FNDC3B: variants seen among roughly 807,000 people sequenced by gnomAD.
FNDC3B encodes the protein fibronectin type III domain containing 3B.
FNDC3B carries 12 observed loss-of-function variants against 151.5 expected under a neutral mutation model. That is an observed-to-expected ratio of 0.08 (90% CI 0.05 to 0.13). The LOEUF (loss-of-function observed/expected upper bound fraction) is 0.13, where lower values mean the gene tolerates loss of function less well. Among genes scored for constraint, FNDC3B ranks in the 10% least tolerant of loss-of-function variants. The pLI, the probability that FNDC3B is intolerant of heterozygous loss-of-function variation, is 1.00. For synonymous variants in FNDC3B, 528 were observed against 549.0 expected (o/e 0.96, Z 0.54); for missense variants, 1,214 against 1,505.3 (o/e 0.81, Z 3.20).
intron 3 of FNDC3B, among the ~76,000 whole-genome samples, chr3:172,211,662 G>A (rs1725738886): frequency 6.6e-6 from 1 of 152,196 alleles, no homozygotes; most frequent in South Asian, 2.1e-4. Flanking sequence ...TTATGGAATT[G>A]AGGTTACATT....
chr3:172,341,195 C>T lies in FNDC3B; in HGVS notation c.1935C>T (p.Leu645=). Residue 645 remains leucine (L), a synonymous_variant, in exon 17 of 26, where the codon CTC becomes CTT. Coordinates refer to ENST00000415807, the MANE Select transcript of FNDC3B (RefSeq NM_022763.4). ...TGAAACCAGGCACTTTGTACAAACTCCGAGCATGCTGCATCAGTACCGGCG... is the reference window on the plus strand; with the variant it reads ...TGAAACCAGGCACTTTGTACAAACTTCGAGCATGCTGCATCAGTACCGGCG... The part of the protein sequence containing the change: ...THLKPGTLYK[L]RACCISTGGH... 6.2e-7 allele frequency: 1 copy of T among 1,614,176 alleles called. No individual in the cohort carries two copies. Among genetic ancestry groups the T allele is most frequent in the Non-Finnish European group, 8.5e-7 (1 of 1,180,020 alleles).
chr3:172,172,212 A>G (rs1334545084), intron 3 of FNDC3B, among the ~76,000 whole-genome samples: 2 of 152,174 alleles, frequency 1.3e-5, no homozygotes, highest in African/African-American at 2.4e-5. Context: ...GCATCTCTCA[A>G]AATAGGCATT....
At chr3:172,172,265 T>C (rs1445166643) in intron 3 of FNDC3B, among the ~76,000 whole-genome samples, 3 of 152,168 alleles carry the variant, frequency 2.0e-5, no homozygotes, top group Non-Finnish European at 4.4e-5. Context: ...TTTCGTCAAG[T>C]GTACCTGTAC....
chr3:172,068,534 C>A (rs1330704825), intron 1 of FNDC3B, among the ~76,000 whole-genome samples: 1 of 151,360 alleles, frequency 6.6e-6, no homozygotes, highest in African/African-American at 2.4e-5. Flanking sequence ...AGCAATTCTC[C>A]TGCCTCAGCC....
In FNDC3B at chr3:172,071,383, G is replaced by A. The variant is rs573709808; in HGVS notation, c.-29+31612G>A. On this transcript the variant is annotated intron_variant, in intron 1 of 25. Coordinates refer to ENST00000415807, the MANE Select transcript of FNDC3B (RefSeq NM_022763.4). ...AATTGCAGGTGATTATTAAGGCAAA[G>A]TCTTAAGGATTTATAGAATAAGTAA... Among the ~76,000 whole-genome samples, 5 of 152,232 alleles carry A rather than the reference G, an allele frequency of 3.3e-5. No individual in the cohort carries two copies. In the East Asian group the frequency reaches 7.7e-4, roughly 23 times the overall value.
intron 2 of FNDC3B, among the ~76,000 whole-genome samples, chr3:172,127,998 A>G (rs1290687083): frequency 6.6e-6 from 1 of 152,246 alleles, no homozygotes; most frequent in Non-Finnish European, 1.5e-5. Flanking sequence ...TGAAGAAAAC[A>G]GTATTAAAAC....
At chr3:172,260,474 A>T (rs746903311) in intron 6 of FNDC3B, among the ~76,000 whole-genome samples, 1 of 152,220 alleles carries the variant, frequency 6.6e-6, no homozygotes, top group Non-Finnish European at 1.5e-5. Context: ...CTTTCAGAGG[A>T]CTATCATCAG....
intron 1 of FNDC3B, among the ~76,000 whole-genome samples, chr3:172,062,290 A>C (rs1374061471): frequency 6.7e-6 from 1 of 149,770 alleles, no homozygotes; most frequent in Non-Finnish European, 1.5e-5. Context: ...CTAGTACCCC[A>C]ATTTCTGCTA....
At chr3:172,356,480 T>C (rs1362030458) in intron 22 of FNDC3B, among the ~76,000 whole-genome samples, 1 of 152,232 alleles carries the variant, frequency 6.6e-6, no homozygotes, top group Non-Finnish European at 1.5e-5. Context: ...AGATGGGTTG[T>C]GACCAGATTA....
intron 6 of FNDC3B, among the ~76,000 whole-genome samples, chr3:172,264,460 G>A (rs952940069): frequency 4.6e-5 from 7 of 152,136 alleles, no homozygotes; most frequent in Non-Finnish European, 1.0e-4. Flanking sequence ...TTTGTACCCA[G>A]AAATTAGGAT....
chr3:172,211,136 G>A (rs1240440692), intron 3 of FNDC3B, among the ~76,000 whole-genome samples: 1 of 152,178 alleles, frequency 6.6e-6, no homozygotes, highest in Non-Finnish European at 1.5e-5. Flanking sequence ...TTTAATGATT[G>A]CAAAGAGTAT....
intron 11 of FNDC3B, among the ~76,000 whole-genome samples, chr3:172,312,948 A>C (rs886272133): frequency 3.3e-5 from 5 of 152,188 alleles, no homozygotes; most frequent in Admixed American, 6.5e-5. Flanking sequence ...TATGTTCAGC[A>C]TGGTCCATTA....
rs146938268 is a variant in FNDC3B, at chr3:172,259,646, A to G, written c.790+8105A>G. On this transcript the variant is annotated intron_variant, in intron 6 of 25. Transcript: ENST00000415807. ...TGGGATGTTGATTTTACTAGTGCAA[A>G]GGCAAATTTACAGCTCAACAAAGAG... Among the ~76,000 whole-genome samples the G allele has an allele frequency of 8.5e-5, 13 of 152,300 alleles. 1 individual carries two copies. The East Asian group carries it at 2.3e-3, about 27-fold the overall frequency.
chr3:172,296,123 C>G (rs1730591474), intron 8 of FNDC3B, among the ~76,000 whole-genome samples: 1 of 152,164 alleles, frequency 6.6e-6, no homozygotes, highest in African/African-American at 2.4e-5. Flanking sequence ...AGGGCCACGT[C>G]TTTCTTCTTT....
At chr3:172,216,720 T>G (rs1038790124) in intron 3 of FNDC3B, among the ~76,000 whole-genome samples, 1 of 152,212 alleles carries the variant, frequency 6.6e-6, no homozygotes, top group Non-Finnish European at 1.5e-5. Flanking sequence ...GAATGTTGTT[T>G]ATTTGTAGCC....
intron 25 of FNDC3B, among the ~76,000 whole-genome samples, chr3:172,384,710 A>C (rs981808553): frequency 2.7e-4 from 41 of 152,322 alleles, no homozygotes; most frequent in African/African-American, 9.4e-4. Context: ...ACCTATACAC[A>C]TCAGGCATTG....
At chr3:172,372,861 T>C (rs1191453289) in intron 23 of FNDC3B, among the ~76,000 whole-genome samples, 1 of 152,182 alleles carries the variant, frequency 6.6e-6, no homozygotes, top group Non-Finnish European at 1.5e-5. Context: ...AAATATTGCA[T>C]TGACTCTTAA....
chr3:172,070,645 T>G (rs1390201740), intron 1 of FNDC3B, among the ~76,000 whole-genome samples: 36 of 152,198 alleles, frequency 2.4e-4, no homozygotes, highest in Admixed American at 2.4e-3. Context: ...CAAAAACACC[T>G]TACACTTTTC....
In FNDC3B at chr3:172,378,866, C is replaced by T. The variant is rs1053851450; in HGVS notation, c.3175+430C>T. ...GGCGCACAGCTCTTGGTGTGGAGCA[C>T]TGCCTTTGGAAAGCTGTAGCAGCGT... is the stretch of plus-strand genomic sequence containing the variant. On this transcript the variant is annotated intron_variant, in intron 24 of 25. Coordinates refer to ENST00000415807, the MANE Select transcript of FNDC3B (RefSeq NM_022763.4). Among the ~76,000 whole-genome samples the T allele has an allele frequency of 2.0e-5, 3 of 152,176 alleles. No homozygotes were observed. In the South Asian group the frequency reaches 6.2e-4, roughly 32 times the overall value.
Sources: gnomAD v4.1 joint callset for allele counts (sites outside exome capture counted in the v4.1 genomes callset) on GRCh38, gnomAD v4.1.1 for gene constraint, MANE v1.5 for transcripts, NCBI Gene and HGNC (gene_info 2026-07-23, HGNC 2026-07-21) for gene names.